Variants in CSMD1 observed in about 807,000 individuals in gnomAD.
CSMD1 encodes the protein CUB and Sushi multiple domains 1, also known as CUB and sushi domain-containing protein 1.
In CSMD1, 213 loss-of-function variants were observed where a neutral mutation model predicts 417.5. That is an observed-to-expected ratio of 0.51 (90% CI 0.46 to 0.57). The LOEUF is 0.57. CSMD1 is among the 20% of genes least tolerant of loss of function. The pLI, the probability that CSMD1 is intolerant of heterozygous loss-of-function variation, is 0.00. For missense variants in CSMD1, 6,923 were observed against 4,529.7 expected, an observed-to-expected ratio of 1.53 and a Z score of -15.17; for synonymous variants, 2,862 against 1,736.8, an observed-to-expected ratio of 1.65 and a Z score of -16.11.
chr8:3,460,170 G>C (rs75614194), intron 12 of CSMD1, among the ~76,000 whole-genome samples: 4,699 of 152,250 alleles, frequency 0.031, 130 homozygotes, highest in East Asian at 0.12. Flanking sequence ...CATAATCTAG[G>C]ATGTGAGGCT....
At chr8:3,284,503 C>G (rs531371861) in intron 25 of CSMD1, 157 bp from the exon 26 acceptor site, 3 of 630,592 alleles carry the variant, frequency 4.8e-6, no homozygotes, top group East Asian at 5.5e-5. Context: ...GAAAATGAGG[C>G]TCACCGAAGA....
chr8:4,593,744 A>G (rs1473340731), intron 2 of CSMD1, among the ~76,000 whole-genome samples: 2 of 152,208 alleles, frequency 1.3e-5, no homozygotes, highest in South Asian at 2.1e-4. Context: ...ATTCCTAGCT[A>G]TATGCAACAT....
intron 11 of CSMD1, among the ~76,000 whole-genome samples, chr8:3,489,612 G>C (rs971929105): frequency 1.3e-5 from 2 of 152,110 alleles, no homozygotes; most frequent in Non-Finnish European, 2.9e-5. Flanking sequence ...CTATAAATAT[G>C]ACCCAAGTTC....
chr8:3,106,280 C>T (rs908494323), intron 46 of CSMD1, among the ~76,000 whole-genome samples: 3 of 151,530 alleles, frequency 2.0e-5, no homozygotes, highest in Non-Finnish European at 4.4e-5. Context: ...GCATGTAGTC[C>T]CAGTTACTCA....
chr8:3,588,730 A>C (rs1020282249), intron 8 of CSMD1, among the ~76,000 whole-genome samples: 4 of 147,402 alleles, frequency 2.7e-5, no homozygotes, highest in African/African-American at 9.8e-5. Context: ...CAGACAAACG[A>C]GATGACATCA....
intron 6 of CSMD1, among the ~76,000 whole-genome samples, chr8:3,723,619 T>A (rs1393004873): frequency 1.3e-5 from 2 of 152,002 alleles, no homozygotes; most frequent in African/African-American, 4.8e-5. Flanking sequence ...AAGAAAATAT[T>A]AGAATTTTAG....
intron 1 of CSMD1, among the ~76,000 whole-genome samples, chr8:4,974,578 G>A (rs1432603681): frequency 2.6e-5 from 4 of 152,034 alleles, no homozygotes; most frequent in Non-Finnish European, 5.9e-5. Context: ...TGGAGTCGAC[G>A]TTTTATGTAT....
At position 3,922,620 on chromosome 8, in the gene CSMD1, G is replaced by A. The variant is rs1809354309; in HGVS notation, c.818+75283C>T. Among the ~76,000 whole-genome samples, 5 of 151,942 alleles carry A rather than the reference G, an allele frequency of 3.3e-5. No homozygotes were observed. The South Asian group carries it at 1.0e-3, about 32-fold the overall frequency. ...TTCTGGTTAAAGCAGTCTATTTTGTGGCTGATAAAAATGTAAATTTGGTCA... is the reference window on the plus strand; with the variant it reads ...TTCTGGTTAAAGCAGTCTATTTTGTAGCTGATAAAAATGTAAATTTGGTCA... On this transcript the variant is annotated intron_variant, in intron 5 of 69. Coordinates refer to ENST00000635120, the MANE Select transcript of CSMD1 (RefSeq NM_033225.6).
At chr8:4,340,991 A>G (rs1402866839) in intron 3 of CSMD1, among the ~76,000 whole-genome samples, 1 of 152,088 alleles carries the variant, frequency 6.6e-6, no homozygotes, top group Non-Finnish European at 1.5e-5. Context: ...TTTAAAAATT[A>G]TCACAGTCAT....
chr8:3,459,132 A>G (rs1408437943), intron 12 of CSMD1, among the ~76,000 whole-genome samples: 1 of 152,226 alleles, frequency 6.6e-6, no homozygotes, highest in Non-Finnish European at 1.5e-5. Flanking sequence ...ACTGTGCTAC[A>G]GCACCCTGTG....
At chr8:3,380,174 C>A (rs562551894) in intron 18 of CSMD1, among the ~76,000 whole-genome samples, 1 of 152,262 alleles carries the variant, frequency 6.6e-6, no homozygotes, top group South Asian at 2.1e-4. Flanking sequence ...AAATGCACAT[C>A]GAAACCACAG....
intron 1 of CSMD1, among the ~76,000 whole-genome samples, chr8:4,652,981 C>G (rs896175095): frequency 6.6e-6 from 1 of 151,686 alleles, no homozygotes; most frequent in African/African-American, 2.4e-5. Flanking sequence ...TTCCCTTGCT[C>G]ACCCACTGCT....
chr8:3,938,569 C>A (rs995509536), intron 5 of CSMD1, among the ~76,000 whole-genome samples: 6 of 152,074 alleles, frequency 3.9e-5, no homozygotes, highest in Non-Finnish European at 5.9e-5. Flanking sequence ...CAATGCATCT[C>A]TTTTTTTCAG....
chr8:3,008,547 G>A (rs77107825), intron 52 of CSMD1, among the ~76,000 whole-genome samples: 3,132 of 152,316 alleles, frequency 0.021, 99 homozygotes, highest in African/African-American at 0.07. Context: ...ACAAAAGGTT[G>A]TTTTGTTTGT....
chr8:3,015,185 C>A (rs1195066830), intron 52 of CSMD1, among the ~76,000 whole-genome samples: 1 of 151,878 alleles, frequency 6.6e-6, no homozygotes, highest in African/African-American at 2.4e-5. Context: ...ATAACTGAGG[C>A]AGCTCTCTTG....
chr8:3,538,625 C>G (rs1424517433), intron 10 of CSMD1, among the ~76,000 whole-genome samples: 1 of 152,268 alleles, frequency 6.6e-6, no homozygotes, highest in Non-Finnish European at 1.5e-5. Flanking sequence ...CACCACTCAA[C>G]AAAGGTATAG....
chr8:3,850,589 G>A (rs1803832979), intron 5 of CSMD1, among the ~76,000 whole-genome samples: 1 of 152,140 alleles, frequency 6.6e-6, no homozygotes, highest in Admixed American at 6.5e-5. Context: ...CAGCTACTTA[G>A]GAAGCTGAGG....
chr8:3,674,883 G>T (rs975879356), intron 7 of CSMD1, among the ~76,000 whole-genome samples: 6 of 152,178 alleles, frequency 3.9e-5, no homozygotes, highest in Admixed American at 2.0e-4. Context: ...GATGGACAAC[G>T]TAAGACTTGT....
chr8:4,410,570 T>G (rs756231146), intron 3 of CSMD1, among the ~76,000 whole-genome samples: 72 of 152,316 alleles, frequency 4.7e-4, no homozygotes, highest in Non-Finnish European at 8.8e-4. Flanking sequence ...TGAAGTTCAT[T>G]TTAAATAATG....
Sources: allele counts gnomAD v4.1 joint callset (sites outside exome capture counted in the v4.1 genomes callset), GRCh38; gene constraint gnomAD v4.1.1; transcripts MANE v1.5; gene names NCBI Gene and HGNC (gene_info 2026-07-23, HGNC 2026-07-21).